BOD1L1: variants seen among roughly 807,000 people sequenced by gnomAD.
The protein encoded by BOD1L1 is biorientation of chromosomes in cell division 1 like 1.
A neutral mutation model predicts 240.7 loss-of-function variants in BOD1L1; 86 were observed. The ratio of observed to expected loss-of-function variants is 0.36; its 90% CI spans 0.30 to 0.43. The LOEUF (loss-of-function observed/expected upper bound fraction) is 0.43, where lower values mean the gene tolerates loss of function less well. Among genes scored for constraint, BOD1L1 ranks in the 20% least tolerant of loss-of-function variants. BOD1L1 has a pLI of 1.00. For synonymous variants in BOD1L1, 1,268 were observed against 1,272.3 expected, an observed-to-expected ratio of 1.00 and a Z score of 0.07; for missense variants, 3,554 against 3,643.5, an observed-to-expected ratio of 0.98 and a Z score of 0.63.
rs748162021 is a variant in BOD1L1, at chr4:13,609,342, C to T, written c.1556G>A (p.Arg519Gln). ...CTTTGTCTTTTCTGCTTTCTGTTTT[C>T]GTTTTTCTTCAAGTTTTTCTCTATT... ...QINREKLEEK[R>Q]KQKAEKTKSS... The change falls in exon 7 of 26, where the codon CGA (arginine) becomes CAA (glutamine). Residue 519 changes from arginine (R) to glutamine (Q), a missense_variant. Arg to Gln is a conservative substitution (Grantham distance 43). Around this residue, in one of 2 missense-constraint regions of BOD1L1, gnomAD observed 3,393 missense variants for 3,427.1 expected, o/e 0.99. Transcript: ENST00000040738. The T allele has an allele frequency of 3.0e-5, 46 of 1,558,120 alleles. No homozygotes were observed. The highest frequency in any genetic ancestry group is 3.8e-5 in the Non-Finnish European group (44 of 1,154,392).
chr4:13,598,927 A>G lies in BOD1L1; in HGVS notation c.7954+19T>C, dbSNP rs565227493. On this transcript the variant is annotated intron_variant, in intron 10 of 25. Transcript: ENST00000040738. ...ATCCTTGTAAATATTAAAATTTGCA[A>G]TTAGGTACAGATTCTCACCTATGTC... The G allele has an allele frequency of 6.4e-7, 1 of 1,571,304 alleles. No individual in the cohort carries two copies. Among genetic ancestry groups the G allele is most frequent in the East Asian group, 2.3e-5 (1 of 44,334 alleles).
chr4:13,571,233 C>T (rs1479226723), intron 25 of BOD1L1, among the ~76,000 whole-genome samples: 1 of 152,166 alleles, frequency 6.6e-6, no homozygotes, highest in African/African-American at 2.4e-5. Flanking sequence ...GTGCCTAGTG[C>T]AATGCCCAAC....
intron 25 of BOD1L1, among the ~76,000 whole-genome samples, chr4:13,573,165 G>A (rs1451167094): frequency 6.6e-6 from 1 of 152,044 alleles, no homozygotes; most frequent in Non-Finnish European, 1.5e-5. Flanking sequence ...TAGAATAAAG[G>A]GCCAAGATTA....
In BOD1L1 at chr4:13,609,291, A is replaced by G. The variant is rs753291836; in HGVS notation, c.1603+4T>C. ...TTTAAAATATTAAAAGTTGACATCT[A>G]TACCTTGACCCTTGGTTTTTGAAGA... On this transcript the variant is annotated splice_donor_region_variant and intron_variant, in intron 7 of 25. Transcript: ENST00000040738. The G allele has an allele frequency of 6.6e-7, 1 of 1,507,180 alleles. No homozygotes were observed. The highest frequency in any genetic ancestry group is 1.4e-5 in the South Asian group (1 of 73,480). The allele number at this position is 1,507,180 out of a possible 1,614,324, so 93.4% of individuals were successfully genotyped here.
At chr4:13,608,754 C>A (rs1715929553) in intron 7 of BOD1L1, 86 bp from the exon 8 acceptor site, 4 of 1,211,764 alleles carry the variant, frequency 3.3e-6, no homozygotes, top group Non-Finnish European at 3.2e-6. Context: ...TTTTTCTAAT[C>A]ATTGTTAAAG....
Position 13,603,242 on chromosome 4 carries a change from C to T in BOD1L1, c.3658G>A (p.Glu1220Lys). Residue 1220 changes from glutamate to lysine, a missense_variant, in exon 10 of 26, where the codon GAG becomes AAG. Glu to Lys is a moderately conservative substitution (Grantham distance 56, BLOSUM62 1). This residue lies in a region of BOD1L1 where 3,393 missense variants were observed against 3,427.1 expected (regional missense o/e 0.99). Transcript: ENST00000040738. ...QSAVSKMNPG[E>K]KEPIHRGTTE... is the part of the protein sequence containing the mutation. ...GTTCCTCTATGAATGGGTTCTTTCT[C>T]CCCAGGGTTCATTTTGGACACAGCA... The T allele has an allele frequency of 2.5e-6, 4 of 1,613,970 alleles. No individual in the cohort carries two copies. In the South Asian group the frequency reaches 4.4e-5, roughly 18 times the overall value.
intron 2 of BOD1L1, among the ~76,000 whole-genome samples, chr4:13,616,377 G>A (rs1716595277): frequency 6.6e-6 from 1 of 152,240 alleles, no homozygotes; most frequent in African/African-American, 2.4e-5. Flanking sequence ...TTCTACAGAA[G>A]AGAAGGGGAA....
chr4:13,572,873 G>A, intron 25 of BOD1L1: 1 of 1,288,048 alleles, frequency 7.8e-7, no homozygotes, highest in South Asian at 1.2e-5. Flanking sequence ...ACTGGGCAAT[G>A]GTAGCACTGA....
intron 24 of BOD1L1, 86 bp downstream of exon 24, chr4:13,577,317 T>C: frequency 9.0e-7 from 1 of 1,111,594 alleles, no homozygotes; most frequent in Non-Finnish European, 1.3e-6. Context: ...GCTGTACCCA[T>C]TGGATTTTTC....
At position 13,613,810 on chromosome 4, in the gene BOD1L1, A is replaced by C; in HGVS notation, c.1175-149T>G. On this transcript the variant is annotated intron_variant, in intron 4 of 25. Transcript: ENST00000040738. The surrounding 1 kb of genome is among the most constrained non-coding windows in gnomAD (Gnocchi z 4.0). ...GCAGAGTGGTTTCCAGAAAATACAA[A>C]GGCAAAGTAGACTTCTGTAAAAATA... 4.1e-6 allele frequency: 2 copies of C among 491,118 alleles called. No homozygotes were observed. Among genetic ancestry groups the C allele is most frequent in the Non-Finnish European group, 6.7e-6 (2 of 297,858 alleles). The allele number at this position is 491,118 out of a possible 1,614,324, so 30.4% of individuals were successfully genotyped here. A position where few individuals can be genotyped will look rare whatever the true frequency, so the allele number is the denominator to read the frequency against.
In BOD1L1 at chr4:13,627,518, G is replaced by A; in HGVS notation, c.70C>T (p.Gln24Ter). 9.4e-7 allele frequency: 1 copy of A among 1,063,890 alleles called. No homozygotes were observed. Among genetic ancestry groups the A allele is most frequent in the Non-Finnish European group, 1.1e-6 (1 of 880,742 alleles). The allele number at this position is 1,063,890 out of a possible 1,614,324, so 65.9% of individuals were successfully genotyped here. A position where few individuals can be genotyped will look rare whatever the true frequency, so the allele number is the denominator to read the frequency against. ...PPPPPPQPQPQPPPPPPGPGA... is the reference protein window; with the variant it reads ...PPPPPPQPQP ...GGGCCCGGCGGCGGCGGCGGTGGCTGCGGCTGCGGCTGCGGCGGGGGAGGC... is the reference window on the plus strand; with the variant it reads ...GGGCCCGGCGGCGGCGGCGGTGGCTACGGCTGCGGCTGCGGCGGGGGAGGC... Residue 24 changes from glutamine (Q) to a stop codon, truncating the protein, a stop_gained, in exon 1 of 26, where the codon CAG becomes TAG. Transcript: ENST00000040738. LOFTEE classifies it high-confidence loss of function.
At chr4:13,608,453 C>G (rs1312639189) in intron 8 of BOD1L1, 77 bp downstream of exon 8, 13 of 1,293,376 alleles carry the variant, frequency 1.0e-5, no homozygotes, top group Non-Finnish European at 1.3e-5. Context: ...CAACTCTTTA[C>G]TGTCACTTCA....
chr4:13,599,367 C>A lies in BOD1L1; in HGVS notation c.7533G>T (p.Thr2511=). 1 of 1,613,958 alleles carries A rather than the reference C, an allele frequency of 6.2e-7. No individual in the cohort carries two copies. ...SPAHLRGPEQ[T]SGQTAKDPSV... The stretch of plus-strand genomic sequence containing the variant: ...AGGGATCCTTAGCCGTCTGCCCAGA[C>A]GTCTGTTCTGGTCCTCTCAGGTGGG... The change falls in exon 10 of 26, where the codon ACG becomes ACT. Residue 2511 remains threonine, a synonymous_variant. Coordinates refer to ENST00000040738, the MANE Select transcript of BOD1L1 (RefSeq NM_148894.3).
chr4:13,581,331 C>A, intron 19 of BOD1L1, 124 bp from the exon 20 acceptor site: 1 of 670,744 alleles, frequency 1.5e-6, no homozygotes, highest in South Asian at 2.2e-5. Flanking sequence ...CTAGCTTTGT[C>A]ACTTTAAAAA....
In BOD1L1 at chr4:13,570,105, G is replaced by GA; in HGVS notation, c.9061dup (p.Ser3021PhefsTer70). 6.2e-7 allele frequency: 1 copy of GA among 1,601,768 alleles called. No individual in the cohort carries two copies. Among genetic ancestry groups the GA allele is most frequent in the Non-Finnish European group, 8.5e-7 (1 of 1,175,156 alleles). ...GCTGACTTCTCTCTTGCGCTTGATA[G>GA]AAGGGGAGAGCTGTGTCTTTGATCT... On this transcript the variant is annotated frameshift_variant, in exon 26 of 26. Coordinates refer to ENST00000040738, the MANE Select transcript of BOD1L1 (RefSeq NM_148894.3). LOFTEE classifies it high-confidence loss of function.
intron 22 of BOD1L1, among the ~76,000 whole-genome samples, chr4:13,579,627 T>A (rs1713061802): frequency 6.6e-6 from 1 of 152,202 alleles, no homozygotes; most frequent in African/African-American, 2.4e-5. Context: ...CAAGCAATAT[T>A]GACAAATAAT....
At chr4:13,620,093 T>A in intron 1 of BOD1L1, 26 bp from the exon 2 acceptor site, 1 of 1,578,208 alleles carries the variant, frequency 6.3e-7, no homozygotes. Flanking sequence ...CGAAGGTAAG[T>A]CTTCAAGGTT....
chr4:13,603,991 A>T lies in BOD1L1; in HGVS notation c.2909T>A (p.Val970Asp). Residue 970 changes from valine to aspartate, a missense_variant, in exon 10 of 26, where the codon GTT becomes GAT. Physicochemically the swap from Val to Asp is radical, Grantham distance 152. Coordinates refer to ENST00000040738, the MANE Select transcript of BOD1L1 (RefSeq NM_148894.3). ...AGAAGCAGTCTCTAATACAGGTTCA[A>T]CACCAGTTTCTTCAAAAGGTTTGTC... ...VEDKPFEETG[V>D]EPVLETASSS... 1 of 1,613,602 alleles carries T rather than the reference A, an allele frequency of 6.2e-7. No individual in the cohort carries two copies. The highest frequency in any genetic ancestry group is 1.1e-5 in the South Asian group (1 of 91,088).
At chr4:13,596,093 A>C in intron 11 of BOD1L1, 149 bp from the exon 12 acceptor site, 1 of 641,360 alleles carries the variant, frequency 1.6e-6, no homozygotes, top group Non-Finnish European at 2.7e-6. Context: ...AAATAAATAC[A>C]TCAACCTTTA....
Sources: gnomAD v4.1 joint callset for allele counts (sites outside exome capture counted in the v4.1 genomes callset) on GRCh38, gnomAD v4.1.1 for gene constraint, gnomAD v4.1.1 regional missense constraint, Gnocchi (gnomAD v3.1) non-coding constraint, MANE v1.5 for transcripts, NCBI Gene and HGNC (gene_info 2026-07-23, HGNC 2026-07-21) for gene names.